Variants in HDAC9 observed in about 807,000 individuals in gnomAD.
HDAC9 encodes histone deacetylase 9.
HDAC9 carries 41 observed loss-of-function variants against 139.4 expected under a neutral mutation model. The observed-to-expected ratio is 0.29, with a 90% CI of 0.23 to 0.38. The LOEUF (loss-of-function observed/expected upper bound fraction) is 0.38. Ranked by LOEUF, HDAC9 falls within the 10% of genes least tolerant of loss-of-function variation. The probability of loss-of-function intolerance (pLI) is 1.00; values close to 1 mark genes in which losing one functional copy is unlikely to be tolerated. For synonymous variants in HDAC9, 517 were observed against 476.2 expected (o/e 1.09, Z -1.12); for missense variants, 1,147 against 1,297.0 (o/e 0.88, Z 1.78).
chr7:18,846,207 G>C (rs1181354086), intron 21 of HDAC9, among the ~76,000 whole-genome samples: 3 of 152,090 alleles, frequency 2.0e-5, no homozygotes, highest in Admixed American at 2.0e-4. Flanking sequence ...CTTTTCTGAA[G>C]CAGTATCACC....
intron 12 of HDAC9, among the ~76,000 whole-genome samples, chr7:18,710,193 C>A (rs1463678239): frequency 1.3e-5 from 2 of 152,076 alleles, no homozygotes; most frequent in African/African-American, 4.8e-5. Flanking sequence ...AGAAACCCAC[C>A]CCCATGATTC....
chr7:18,980,658 TTTCTTGTTCTTCTTGTTCTTGTTC>T (rs1163993081), intron 25 of HDAC9, among the ~76,000 whole-genome samples: 8 of 144,468 alleles, frequency 5.5e-5, no homozygotes, highest in Admixed American at 3.6e-4. Flanking sequence ...TGTTACACTT[TTTCTTGTTCTTCTTGTTCTTGTTC>T]TTCTTGTTCT....
intron 21 of HDAC9, among the ~76,000 whole-genome samples, chr7:18,847,499 A>C (rs1297243135): frequency 6.6e-6 from 1 of 152,152 alleles, no homozygotes; most frequent in South Asian, 2.1e-4. Flanking sequence ...GATTATTATT[A>C]ATGCCCCTTT....
At chr7:18,541,625 A>T (rs1373250239) in intron 2 of HDAC9, among the ~76,000 whole-genome samples, 1 of 152,158 alleles carries the variant, frequency 6.6e-6, no homozygotes, top group African/African-American at 2.4e-5. Flanking sequence ...ATTATGTGGA[A>T]TTTTGTTTAG....
intron 1 of HDAC9, among the ~76,000 whole-genome samples, chr7:18,384,035 G>T (rs976882177): frequency 2.0e-5 from 3 of 152,152 alleles, no homozygotes; most frequent in South Asian, 2.1e-4. Context: ...CATAGGCCAG[G>T]CATGGTGGCT....
chr7:18,933,707 C>T (rs565170300), intron 22 of HDAC9, among the ~76,000 whole-genome samples: 1 of 151,888 alleles, frequency 6.6e-6, no homozygotes, highest in Non-Finnish European at 1.5e-5. Context: ...AGAGAGCAAA[C>T]TAAACCAAAA....
At position 18,524,863 on chromosome 7, in the gene HDAC9, TACACACACAC is replaced by T. The variant is rs57123600; in HGVS notation, c.22+28569_22+28578del. Among the ~76,000 whole-genome samples the T allele has an allele frequency of 9.6e-3, 1,231 of 127,734 alleles. 11 individuals carry two copies. Among genetic ancestry groups the T allele is most frequent in the Non-Finnish European group, 0.011 (657 of 58,046 alleles). 83.8% of individuals were successfully genotyped at this position (127,734 alleles called of 152,430 possible). A position where few individuals can be genotyped will look rare whatever the true frequency, so the allele number is the denominator to read the frequency against. On this transcript the variant is annotated intron_variant, in intron 2 of 25. Transcript: ENST00000686413. ...GATTTTGAAATAAAACTTAGTGACA[TACACACACAC>T]ACACACACACACACACACACACACA...
At chr7:18,392,290 GTCTCTCTCTCTC>G (rs370169850) in intron 1 of HDAC9, among the ~76,000 whole-genome samples, 59 of 99,704 alleles carry the variant, frequency 5.9e-4, no homozygotes, top group East Asian at 1.0e-3. Context: ...CTCTCTCTCT[GTCTCTCTCTCTC>G]TCTCTCTCTC....
Position 18,733,712 on chromosome 7 carries a change from T to G in HDAC9, c.1909+5955T>G, listed in dbSNP as rs186923316. Among the ~76,000 whole-genome samples the G allele has an allele frequency of 7.2e-3, 1,100 of 152,062 alleles. 7 individuals carry two copies. Among genetic ancestry groups the G allele is most frequent in the African/African-American group, 0.017 (713 of 41,502 alleles). On this transcript the variant is annotated intron_variant, in intron 13 of 25. Coordinates refer to ENST00000686413, the MANE Select transcript of HDAC9 (RefSeq NM_178425.4). ...ACATACACACACATATATATTTTTTTGGGGGTATGCTTTTTATACCTAAGA... is the reference window on the plus strand; with the variant it reads ...ACATACACACACATATATATTTTTTGGGGGGTATGCTTTTTATACCTAAGA...
intron 22 of HDAC9, among the ~76,000 whole-genome samples, chr7:18,900,562 A>T (rs1234244001): frequency 3.3e-5 from 5 of 152,156 alleles, no homozygotes; most frequent in African/African-American, 1.2e-4. Context: ...CAGTGTGAGA[A>T]TACCATTATG....
chr7:18,491,540 G>A (rs1178843337), upstream of HDAC9, among the ~76,000 whole-genome samples: 1 of 151,852 alleles, frequency 6.6e-6, no homozygotes, highest in African/African-American at 2.4e-5. Flanking sequence ...AAATTCAGTG[G>A]GTCAACAACA....
chr7:18,558,478 T>C (rs1373351306), intron 2 of HDAC9, among the ~76,000 whole-genome samples: 2 of 152,194 alleles, frequency 1.3e-5, no homozygotes, highest in Non-Finnish European at 2.9e-5. Flanking sequence ...TCCACCATAC[T>C]CTACAGATGG....
intron 22 of HDAC9, among the ~76,000 whole-genome samples, chr7:18,883,716 G>A (rs1032323077): frequency 6.6e-6 from 1 of 151,706 alleles, no homozygotes; most frequent in African/African-American, 2.4e-5. Flanking sequence ...AGAAATGAAG[G>A]GCATCCAAAT....
chr7:18,874,648 T>C (rs1799184207), intron 22 of HDAC9, 52 bp downstream of exon 22: 4 of 1,059,650 alleles, frequency 3.8e-6, no homozygotes, highest in South Asian at 1.4e-5. Flanking sequence ...ATACCATCTT[T>C]TAGGTCTTTA....
chr7:18,250,534 A>T (rs773223406), intron 2 of HDAC9, among the ~76,000 whole-genome samples: 7 of 152,194 alleles, frequency 4.6e-5, no homozygotes, highest in Non-Finnish European at 1.0e-4. Context: ...TATCACCAAC[A>T]TGAGGGCAAG....
chr7:18,282,769 T>TA, intron 2 of HDAC9, among the ~76,000 whole-genome samples: 1 of 152,208 alleles, frequency 6.6e-6, no homozygotes, highest in Admixed American at 6.5e-5. Flanking sequence ...GTTGATGTTG[T>TA]AGTCTTCACT....
chr7:18,587,385 A>T (rs1212103888), intron 3 of HDAC9, among the ~76,000 whole-genome samples: 1 of 152,206 alleles, frequency 6.6e-6, no homozygotes, highest in Non-Finnish European at 1.5e-5. Flanking sequence ...TTGTTTTCTT[A>T]GAAACCAAAG....
At chr7:18,939,510 T>C (rs1781877342) in intron 23 of HDAC9, among the ~76,000 whole-genome samples, 1 of 152,192 alleles carries the variant, frequency 6.6e-6, no homozygotes, top group South Asian at 2.1e-4. Flanking sequence ...TCTTCTCACT[T>C]TCATTGACAA....
intron 21 of HDAC9, among the ~76,000 whole-genome samples, chr7:18,841,622 C>T (rs1440618399): frequency 2.6e-5 from 4 of 152,028 alleles, no homozygotes; most frequent in Non-Finnish European, 5.9e-5. Flanking sequence ...TTTGTTGGTC[C>T]CAAACCATAC....
Sources: gnomAD v4.1 joint callset for allele counts (sites outside exome capture counted in the v4.1 genomes callset) on GRCh38, gnomAD v4.1.1 for gene constraint, MANE v1.5 for transcripts, NCBI Gene and HGNC (gene_info 2026-07-23, HGNC 2026-07-21) for gene names.